The following MOB3C variants were observed in gnomAD, a reference collection of about 807,000 sequenced individuals.
MOB3C encodes MOB kinase activator 3C, also known as MOB1, Mps One Binder kinase activator-like 2C.
A neutral mutation model predicts 19.8 loss-of-function variants in MOB3C; 17 were observed. The ratio of observed to expected loss-of-function variants is 0.86; its 90% confidence interval spans 0.59 to 1.29. The LOEUF (loss-of-function observed/expected upper bound fraction) is 1.29. MOB3C is among the 50% of genes most tolerant of loss of function. The pLI is 0.00. For synonymous variants in MOB3C, 101 were observed against 119.2 expected (o/e 0.85, Z 0.99); for missense variants, 291 against 301.9 (o/e 0.96, Z 0.27).
chr1:46,614,920 G>A (rs2148805135), intron 1 of MOB3C: 6 of 1,375,236 alleles, frequency 4.4e-6, no homozygotes, highest in Non-Finnish European at 6.2e-6. Context: ...GCAGCTTGGA[G>A]AGTAGAAACA....
chr1:46,612,808 A>G (rs1325951012), intron 2 of MOB3C, 96 bp downstream of exon 2: 2 of 1,253,088 alleles, frequency 1.6e-6, no homozygotes, highest in African/African-American at 3.0e-5. Flanking sequence ...TGGGGATGAA[A>G]ATCAACCCCC....
At chr1:46,612,862 A>C in intron 2 of MOB3C, 42 bp downstream of exon 2, 1 of 1,508,252 alleles carries the variant, frequency 6.6e-7, no homozygotes, top group South Asian at 1.3e-5. Context: ...TCATCTGTGG[A>C]ATGGGCTCCC....
chr1:46,610,749 C>T (rs758834807), intron 2 of MOB3C, among the ~76,000 whole-genome samples: 30 of 152,202 alleles, frequency 2.0e-4, no homozygotes, highest in Admixed American at 1.5e-3. Flanking sequence ...ACATCATCTT[C>T]CACATTTTCC....
In MOB3C at chr1:46,609,197, G is replaced by A. The variant is rs2148801951; in HGVS notation, c.*458C>T. Reference sequence around the variant, plus strand: ...CCTACTATGTGCCAAGGAGGGGTAAGGCAGCTAGCTCTCACAGACACACCC... The same window carrying A: ...CCTACTATGTGCCAAGGAGGGGTAAAGCAGCTAGCTCTCACAGACACACCC... On this transcript the variant is annotated 3_prime_UTR_variant, in exon 4 of 4. Transcript: ENST00000319928. 8.6e-6 allele frequency: 2 copies of A among 232,226 alleles called. No individual in the cohort carries two copies. The highest frequency in any genetic ancestry group is 3.3e-3 in the Middle Eastern group (2 of 608). The allele number at this position is 232,226 out of a possible 1,614,324, so 14.4% of individuals were successfully genotyped here.
At chr1:46,615,236 C>T in intron 1 of MOB3C, 1 of 606,302 alleles carries the variant, frequency 1.6e-6, no homozygotes, top group Non-Finnish European at 2.9e-6. Context: ...CCTACCTTTC[C>T]TGCCCCACTT....
chr1:46,613,114 G>T lies in MOB3C; in HGVS notation c.208C>A (p.Arg70Ser). 2.7e-5 allele frequency: 43 copies of T among 1,614,232 alleles called. No homozygotes were observed. Among genetic ancestry groups the T allele is most frequent in the Non-Finnish European group, 3.6e-5 (42 of 1,180,028 alleles). Reference protein sequence around the residue: ...IAVHVVDFFNRINLIYGTMAE... With the variant: ...IAVHVVDFFNSINLIYGTMAE... The stretch of plus-strand genomic sequence containing the variant: ...ATAGTGCCGTAGATGAGGTTGATGC[G>T]GTTGAAGAAGTCCACCACGTGCACG... Residue 70 changes from arginine to serine, a missense_variant, in exon 2 of 4, where the codon CGC (arginine) becomes AGC (serine). By Grantham distance (110) the Arg-to-Ser change is moderately radical. Transcript: ENST00000319928.
chr1:46,613,136 C>T lies in MOB3C; in HGVS notation c.186G>A (p.Val62=). The T allele has an allele frequency of 6.2e-7, 1 of 1,614,258 alleles. No homozygotes were observed. Among genetic ancestry groups the T allele is most frequent in the East Asian group, 2.2e-5 (1 of 44,888 alleles). The change falls in exon 2 of 4, where the codon GTG becomes GTA. Residue 62 remains valine, a synonymous_variant. Transcript: ENST00000319928. ...PGENIDDWIA[V]HVVDFFNRIN... is the part of the protein sequence containing the mutation. ...TGCGGTTGAAGAAGTCCACCACGTG[C>T]ACGGCGATCCAGTCGTCGATGTTCT...
Position 46,613,299 on chromosome 1 carries a change from A to T in MOB3C, c.23T>A (p.Val8Glu). The T allele has an allele frequency of 6.2e-7, 1 of 1,607,036 alleles. No individual in the cohort carries two copies. The change falls in exon 2 of 4, where the codon GTG becomes GAG. Residue 8 changes from valine (V) to glutamate (E), a missense_variant. Coordinates refer to ENST00000319928, the MANE Select transcript of MOB3C (RefSeq NM_201403.3). ...CCGGAACGTCTTGTCCTTGGCGAAC[A>T]CCTGCTTCAGGCACAGGGCCATGGC... MALCLKQ[V>E]FAKDKTFRPR...
rs1675423002 is a variant in MOB3C at position 46,609,354 on chromosome 1, C to T, written c.*301G>A. ...ACATTCCTCCAATAGGCTTGGGAAC[C>T]AGCATGGAAGGGTCAAGTGTCATAG... On this transcript the variant is annotated 3_prime_UTR_variant, in exon 4 of 4. Transcript: ENST00000319928. 2.0e-6 allele frequency: 1 copy of T among 489,304 alleles called. No homozygotes were observed. The highest frequency in any genetic ancestry group is 3.9e-5 in the East Asian group (1 of 25,818). 30.3% of individuals were successfully genotyped at this position (489,304 alleles called of 1,614,324 possible).
At chr1:46,613,770 C>CTCG (rs1675516399) in intron 1 of MOB3C, 1 of 196,790 alleles carries the variant, frequency 5.1e-6, no homozygotes, top group Non-Finnish European at 1.0e-5. Flanking sequence ...GTGGGAGAGC[C>CTCG]TCGCAGCATT....
At chr1:46,609,921 G>T (rs1338542886) in intron 3 of MOB3C, 81 bp downstream of exon 3, 1 of 1,512,474 alleles carries the variant, frequency 6.6e-7, no homozygotes, top group Non-Finnish European at 9.2e-7. Context: ...GGGCGTTGGA[G>T]TTACTTAAAG....
intron 1 of MOB3C, chr1:46,615,770 A>G (rs892875856): frequency 2.0e-5 from 3 of 152,364 alleles, no homozygotes; most frequent in African/African-American, 7.2e-5. Flanking sequence ...GAGACAGAGA[A>G]GAGGAGGGGA....
rs1040005683 is a variant in MOB3C, at chr1:46,608,720, G to T, written c.*935C>A. 6.5e-6 allele frequency: 1 copy of T among 152,674 alleles called. No individual in the cohort carries two copies. The highest frequency in any genetic ancestry group is 1.5e-5 in the Non-Finnish European group (1 of 68,046). 9.5% of individuals were successfully genotyped at this position (152,674 alleles called of 1,614,324 possible). A position where few individuals can be genotyped will look rare whatever the true frequency, so the allele number is the denominator to read the frequency against. Reference sequence around the variant, plus strand: ...TCAGATCCGAGGAGCCAGGTCTGTAGATTCTGGGAGCTAGAGTGGAGTATA... The same window carrying T: ...TCAGATCCGAGGAGCCAGGTCTGTATATTCTGGGAGCTAGAGTGGAGTATA... On this transcript the variant is annotated 3_prime_UTR_variant, in exon 4 of 4. Coordinates refer to ENST00000319928, the MANE Select transcript of MOB3C (RefSeq NM_201403.3). This position sits in a 1 kb window ranked among gnomAD's most constrained non-coding sequence, Gnocchi z 4.5.
chr1:46,613,726 A>C (rs1253132479), intron 1 of MOB3C: 12 of 207,032 alleles, frequency 5.8e-5, no homozygotes, highest in South Asian at 2.6e-4. Context: ...GGACGAGATG[A>C]CCTCTGGGAG....
chr1:46,615,358 C>G, intron 1 of MOB3C: 1 of 403,538 alleles, frequency 2.5e-6, no homozygotes. Flanking sequence ...CACACATCCT[C>G]AGATTGGCTG....
At position 46,608,636 on chromosome 1, in the gene MOB3C, A is replaced by G. The variant is rs1570378533; in HGVS notation, c.*1019T>C. The G allele has an allele frequency of 6.6e-6, 1 of 152,654 alleles. No individual in the cohort carries two copies. The highest frequency in any genetic ancestry group is 1.5e-5 in the Non-Finnish European group (1 of 68,060). The allele number at this position is 152,654 out of a possible 1,614,324, so 9.5% of individuals were successfully genotyped here. ...TGCTGGGATGGGAGACAAGACTCCA[A>G]AGTTCCCAATTCAAGTTCCACAAGC... is the stretch of plus-strand genomic sequence containing the variant. On this transcript the variant is annotated 3_prime_UTR_variant, in exon 4 of 4. Coordinates refer to ENST00000319928, the MANE Select transcript of MOB3C (RefSeq NM_201403.3). This position sits in a 1 kb window ranked among gnomAD's most constrained non-coding sequence, Gnocchi z 4.5.
chr1:46,610,164 C>G lies in MOB3C; in HGVS notation c.459G>C (p.Lys153Asn), dbSNP rs1675442093. 8 of 1,613,890 alleles carry G rather than the reference C, an allele frequency of 5.0e-6. No individual in the cohort carries two copies. The highest frequency in any genetic ancestry group is 6.8e-6 in the Non-Finnish European group (8 of 1,180,026). The part of the protein sequence containing the change: ...FPKNFQQVCT[K>N]ILTRLFRVFV... ...AGACTCGGAAGAGGCGGGTCAGGAT[C>G]TTGGTGCAGACCTGCTGGAAGTTCT... The change falls in exon 3 of 4, where the codon AAG (lysine) becomes AAC (asparagine). Residue 153 changes from lysine (K) to asparagine (N), a missense_variant. Coordinates refer to ENST00000319928, the MANE Select transcript of MOB3C (RefSeq NM_201403.3).
chr1:46,609,800 C>A (rs1469912588), intron 3 of MOB3C, 116 bp from the exon 4 acceptor site: 6 of 1,431,990 alleles, frequency 4.2e-6, no homozygotes, highest in Non-Finnish European at 5.7e-6. Context: ...CCCCAGCAAC[C>A]CCAACTCTTA....
chr1:46,610,016 C>A lies in MOB3C; in HGVS notation c.607G>T (p.Glu203Ter), dbSNP rs368921116. Residue 203 changes from glutamate to a stop codon, truncating the protein, a stop_gained, in exon 3 of 4, where the codon GAG becomes TAG. Coordinates refer to ENST00000319928, the MANE Select transcript of MOB3C (RefSeq NM_201403.3). LOFTEE classifies it high-confidence loss of function. ...IREFSLVDQR[E>*]LEPLREMTER... ...CTTGGCCTCACCAGTGGCTCCAGCTCCCGCTGGTCCACCAGACTGAACTCG... is the reference window on the plus strand; with the variant it reads ...CTTGGCCTCACCAGTGGCTCCAGCTACCGCTGGTCCACCAGACTGAACTCG... 1 of 1,614,090 alleles carries A rather than the reference C, an allele frequency of 6.2e-7. No individual in the cohort carries two copies. Among genetic ancestry groups the A allele is most frequent in the Non-Finnish European group, 8.5e-7 (1 of 1,180,058 alleles).
Sources: allele counts gnomAD v4.1 joint callset (sites outside exome capture counted in the v4.1 genomes callset), GRCh38; gene constraint gnomAD v4.1.1; non-coding constraint Gnocchi (gnomAD v3.1); transcripts MANE v1.5; gene names NCBI Gene and HGNC (gene_info 2026-07-23, HGNC 2026-07-21).